Variants in GBF1 observed in about 807,000 individuals in gnomAD.
The protein encoded by GBF1 is Golgi-specific brefeldin A-resistance guanine nucleotide exchange factor 1.
GBF1 carries 114 observed loss-of-function variants against 210.5 expected under a neutral mutation model. The ratio of observed to expected loss-of-function variants is 0.54; its 90% CI spans 0.47 to 0.63. GBF1 has a LOEUF of 0.63. GBF1 is among the 30% of genes least tolerant of loss of function. GBF1 has a pLI of 0.00. For missense variants in GBF1, 1,851 were observed against 2,357.7 expected (o/e 0.79, Z 4.45); for synonymous variants, 850 against 889.2 (o/e 0.96, Z 0.78).
intron 3 of GBF1, among the ~76,000 whole-genome samples, chr10:102,333,901 C>A (rs116838696): frequency 0.01 from 1,557 of 152,284 alleles, 23 homozygotes; most frequent in African/African-American, 0.036. Flanking sequence ...CTAACACTTT[C>A]TCCTAAAATG....
chr10:102,338,371 G>C (rs1565127509), intron 3 of GBF1, among the ~76,000 whole-genome samples: 1 of 150,442 alleles, frequency 6.6e-6, no homozygotes, highest in Non-Finnish European at 1.5e-5. Context: ...CTCCAAAGTA[G>C]CTGAGATTAC....
At chr10:102,370,567 T>A in intron 28 of GBF1, 89 bp downstream of exon 28, 1 of 1,310,960 alleles carries the variant, frequency 7.6e-7, no homozygotes, top group Non-Finnish European at 1.1e-6. Context: ...TCTGGGGAAC[T>A]GTAGGCAGCA....
intron 17 of GBF1, among the ~76,000 whole-genome samples, chr10:102,364,599 A>G (rs1187401590): frequency 1.3e-5 from 2 of 150,818 alleles, no homozygotes; most frequent in African/African-American, 4.9e-5. Context: ...CTGTAATCCC[A>G]GCACTTTGGG....
At chr10:102,337,143 C>CA (rs2057806666) in intron 3 of GBF1, among the ~76,000 whole-genome samples, 1 of 151,644 alleles carries the variant, frequency 6.6e-6, no homozygotes, top group Non-Finnish European at 1.5e-5. Flanking sequence ...CTTTGGGAGG[C>CA]CGAGGTGGGC....
At chr10:102,306,463 G>T (rs111962685) in intron 3 of GBF1, among the ~76,000 whole-genome samples, 2 of 152,094 alleles carry the variant, frequency 1.3e-5, no homozygotes, top group African/African-American at 2.4e-5. Flanking sequence ...TGCTCTTGTC[G>T]CCCAGGCTGG....
At chr10:102,375,007 C>CA (rs1209138647) in intron 29 of GBF1, among the ~76,000 whole-genome samples, 1 of 150,352 alleles carries the variant, frequency 6.7e-6, no homozygotes, top group Non-Finnish European at 1.5e-5. Flanking sequence ...CCCATCTTTC[C>CA]AAAAAAGAAA....
chr10:102,379,359 C>G lies in GBF1; in HGVS notation c.4570C>G (p.Leu1524Val). The part of the protein sequence containing the change: ...YSSWAEEQRH[L>V]ETGGQKIEAD... ...CTCATGGGCGGAGGAGCAACGCCAC[C>G]TGGAGACAGGTGGCCAGAAGATTGA... Residue 1524 changes from leucine (L) to valine (V), a missense_variant, in exon 34 of 40, where the codon CTG (leucine) becomes GTG (valine). This residue lies in a region of GBF1 where 967 missense variants were observed against 1,247.7 expected (regional missense o/e 0.78). Transcript: ENST00000369983. 1 of 1,614,052 alleles carries G rather than the reference C, an allele frequency of 6.2e-7. No individual in the cohort carries two copies. The highest frequency in any genetic ancestry group is 8.5e-7 in the Non-Finnish European group (1 of 1,179,974).
chr10:102,245,194 T>G (rs190629728), upstream of GBF1, among the ~76,000 whole-genome samples: 5 of 152,182 alleles, frequency 3.3e-5, no homozygotes, highest in African/African-American at 1.2e-4. Flanking sequence ...TCCAGCCAAT[T>G]GTAGCCTTTT....
intron 3 of GBF1, 44 bp from the exon 4 acceptor site, chr10:102,344,007 T>G: frequency 1.9e-6 from 3 of 1,581,616 alleles, no homozygotes; most frequent in Non-Finnish European, 2.6e-6. Flanking sequence ...GGGTTTAGTT[T>G]TCTCTTAGAT....
chr10:102,369,767 A>T lies in GBF1; in HGVS notation c.3207A>T (p.Pro1069=). ...TCTCTCTACAGCGGGAAGAGACACC[A>T]TCAAACCGGTAAGAGCAGACCAGAG... ...GKISLQREET[P]SNRGESTVLS... is the part of the protein sequence containing the mutation. The change falls in exon 25 of 40, where the codon CCA becomes CCT. Residue 1069 remains proline, a synonymous_variant. Coordinates refer to ENST00000369983, the MANE Select transcript of GBF1 (RefSeq NM_001377137.1). 6.2e-7 allele frequency: 1 copy of T among 1,614,158 alleles called. No homozygotes were observed. Among genetic ancestry groups the T allele is most frequent in the South Asian group, 1.1e-5 (1 of 91,086 alleles).
intron 3 of GBF1, among the ~76,000 whole-genome samples, chr10:102,278,571 G>A (rs2075206211): frequency 6.6e-6 from 1 of 152,192 alleles, no homozygotes; most frequent in Non-Finnish European, 1.5e-5. Flanking sequence ...AGTACAATGT[G>A]TAATGATTGT....
At chr10:102,258,077 T>C (rs2072659177) in intron 1 of GBF1, among the ~76,000 whole-genome samples, 2 of 151,670 alleles carry the variant, frequency 1.3e-5, no homozygotes, top group African/African-American at 4.8e-5. Flanking sequence ...CTTGAACTTC[T>C]AAAGACCCCC....
chr10:102,258,858 T>G (rs1051456927), intron 1 of GBF1, 71 bp from the exon 2 acceptor site: 1 of 777,674 alleles, frequency 1.3e-6, no homozygotes, highest in African/African-American at 1.7e-5. Context: ...TATCAGGTAC[T>G]GATTTTTAAA....
At chr10:102,369,528 A>G (rs2060091805) in intron 24 of GBF1, 141 bp downstream of exon 24, 1 of 872,146 alleles carries the variant, frequency 1.1e-6, no homozygotes. Context: ...CTCAAATGTA[A>G]GACCACAGAT....
chr10:102,315,556 A>G (rs1239577736), intron 3 of GBF1, among the ~76,000 whole-genome samples: 1 of 152,084 alleles, frequency 6.6e-6, no homozygotes, highest in East Asian at 1.9e-4. Context: ...AAAGTGTTCG[A>G]CCTCAGCTCA....
intron 3 of GBF1, among the ~76,000 whole-genome samples, chr10:102,318,742 T>A (rs1389713036): frequency 6.6e-6 from 1 of 152,220 alleles, no homozygotes; most frequent in Non-Finnish European, 1.5e-5. Context: ...TTTCTATTTC[T>A]AAATAATATG....
At chr10:102,341,259 A>G (rs2058164653) in intron 3 of GBF1, among the ~76,000 whole-genome samples, 1 of 152,258 alleles carries the variant, frequency 6.6e-6, no homozygotes, top group South Asian at 2.1e-4. Context: ...TGGAGCTACT[A>G]TTACATACAT....
chr10:102,258,618 T>C (rs1277903713), intron 1 of GBF1, among the ~76,000 whole-genome samples: 1 of 150,032 alleles, frequency 6.7e-6, no homozygotes, highest in African/African-American at 2.4e-5. Context: ...CTAAAAAAAA[T>C]ACAAAATTAG....
rs1317000687 is a variant in GBF1, at chr10:102,366,775, T to C, written c.2433+269T>C. On this transcript the variant is annotated intron_variant, in intron 19 of 39. Coordinates refer to ENST00000369983, the MANE Select transcript of GBF1 (RefSeq NM_001377137.1). This position sits in a 1 kb window ranked among gnomAD's most constrained non-coding sequence, Gnocchi z 4.0. ...CTAATTTTTGTATTTTTAGTAGAGA[T>C]GGGTTTTGCCATGTTGGTCAGGCTG... 6.6e-6 allele frequency among the ~76,000 whole-genome samples: 1 copy of C among 151,804 alleles called. No individual in the cohort carries two copies. Among genetic ancestry groups the C allele is most frequent in the Non-Finnish European group, 1.5e-5 (1 of 67,942 alleles).
Sources: allele counts gnomAD v4.1 joint callset (sites outside exome capture counted in the v4.1 genomes callset), GRCh38; gene constraint gnomAD v4.1.1; regional missense constraint gnomAD v4.1.1; non-coding constraint Gnocchi (gnomAD v3.1); transcripts MANE v1.5; gene names NCBI Gene and HGNC (gene_info 2026-07-23, HGNC 2026-07-21).